The following CTNNA2 variants were observed in gnomAD, a reference collection of about 807,000 sequenced individuals.
CTNNA2 encodes catenin alpha-2.
Under a neutral mutation model 101.0 loss-of-function variants are expected in CTNNA2, and 42 were observed. The ratio of observed to expected loss-of-function variants is 0.42; its 90% CI spans 0.32 to 0.54. The LOEUF is 0.54. Among genes scored for constraint, CTNNA2 ranks in the 20% least tolerant of loss-of-function variants. CTNNA2 has a pLI of 0.14. For missense variants in CTNNA2, 871 were observed against 1,223.1 expected (o/e 0.71, Z 4.29); for synonymous variants, 450 against 456.4 (o/e 0.99, Z 0.18).
intron 3 of CTNNA2, among the ~76,000 whole-genome samples, chr2:79,785,512 C>T (rs1674770929): frequency 6.6e-6 from 1 of 152,180 alleles, no homozygotes; most frequent in Non-Finnish European, 1.5e-5. Context: ...TATGAAATAG[C>T]ACCTCTGCTG....
intron 9 of CTNNA2, among the ~76,000 whole-genome samples, chr2:80,473,435 A>C (rs1685472100): frequency 6.6e-6 from 1 of 152,252 alleles, no homozygotes; most frequent in African/African-American, 2.4e-5. Flanking sequence ...TGGGTGATTT[A>C]GAGTTTCTAC....
At chr2:80,563,202 G>A (rs1408625790) in intron 12 of CTNNA2, among the ~76,000 whole-genome samples, 1 of 152,160 alleles carries the variant, frequency 6.6e-6, no homozygotes, top group Non-Finnish European at 1.5e-5. Context: ...CCTACATATT[G>A]TGTCTAGCAG....
At chr2:79,401,844 G>A (rs1396998283) in intron 4 of CTNNA2, among the ~76,000 whole-genome samples, 1 of 151,238 alleles carries the variant, frequency 6.6e-6, no homozygotes, top group African/African-American at 2.4e-5. Context: ...CTTTTAAAAA[G>A]TAAATTAAAA....
intron 17 of CTNNA2, among the ~76,000 whole-genome samples, chr2:80,615,159 A>G (rs576139501): frequency 1.5e-4 from 22 of 151,572 alleles, no homozygotes; most frequent in Admixed American, 2.6e-4. Flanking sequence ...ACATCTTTCC[A>G]TTACCTTAGC....
At chr2:79,463,764 C>T (rs775072598) in intron 4 of CTNNA2, among the ~76,000 whole-genome samples, 6 of 152,118 alleles carry the variant, frequency 3.9e-5, no homozygotes, top group Non-Finnish European at 8.8e-5. Context: ...GGTGCCATTA[C>T]CAGAATCATC....
intron 2 of CTNNA2, among the ~76,000 whole-genome samples, chr2:79,287,291 C>T (rs1398108716): frequency 6.6e-6 from 1 of 152,224 alleles, no homozygotes; most frequent in Non-Finnish European, 1.5e-5. Context: ...TGTTCCGTTG[C>T]TGGTGAGGAA....
chr2:80,513,937 C>A (rs2149557880), intron 9 of CTNNA2, among the ~76,000 whole-genome samples: 1 of 152,338 alleles, frequency 6.6e-6, no homozygotes, highest in South Asian at 2.1e-4. Flanking sequence ...TTCTACCATA[C>A]AAAGTCTTTT....
In CTNNA2 at chr2:80,620,258, T is replaced by G. The variant is rs193141214; in HGVS notation, c.2574+1030T>G. Among the ~76,000 whole-genome samples, 777 of 151,840 alleles carry G rather than the reference T, an allele frequency of 5.1e-3. 7 individuals are homozygous for G. The highest frequency in any genetic ancestry group is 6.6e-3 in the Non-Finnish European group (446 of 67,836). On this transcript the variant is annotated intron_variant, in intron 18 of 18. Coordinates refer to ENST00000402739, the MANE Select transcript of CTNNA2 (RefSeq NM_001282597.3). ...TATAAAGAGGGTATCATCCCTTTTT[T>G]TTTTCCTAAATATACATCCCTGGTT...
chr2:79,225,040 G>T (rs1558579174), intron 2 of CTNNA2, among the ~76,000 whole-genome samples: 1 of 151,908 alleles, frequency 6.6e-6, no homozygotes, highest in Non-Finnish European at 1.5e-5. Flanking sequence ...GAATAACCAA[G>T]CTGTTTCTGG....
intron 9 of CTNNA2, among the ~76,000 whole-genome samples, chr2:80,532,250 C>T (rs1558556359): frequency 6.6e-6 from 1 of 152,124 alleles, no homozygotes; most frequent in Non-Finnish European, 1.5e-5. Context: ...TACCAGTGGT[C>T]TGAAAATATT....
intron 1 of CTNNA2, among the ~76,000 whole-genome samples, chr2:79,587,002 T>C (rs1443400786): frequency 6.6e-6 from 1 of 152,224 alleles, no homozygotes; most frequent in Non-Finnish European, 1.5e-5. Context: ...CATTGTTTCA[T>C]TCCATTTTAC....
At chr2:79,691,585 G>C (rs541068502) in intron 2 of CTNNA2, among the ~76,000 whole-genome samples, 1 of 151,404 alleles carries the variant, frequency 6.6e-6, no homozygotes, top group African/African-American at 2.4e-5. Flanking sequence ...TAAGCAAAAA[G>C]CACAAAGCTG....
chr2:79,542,019 C>G (rs1052128232), intron 1 of CTNNA2, among the ~76,000 whole-genome samples: 2 of 152,070 alleles, frequency 1.3e-5, no homozygotes, highest in Non-Finnish European at 1.5e-5. Context: ...CAACTGAGAG[C>G]TTTCTGGCCT....
At chr2:80,578,989 T>A (rs910660715) in intron 13 of CTNNA2, 1 of 152,118 alleles carries the variant, frequency 6.6e-6, no homozygotes, top group Non-Finnish European at 1.5e-5. Flanking sequence ...TCCTAAAGCA[T>A]TTTCCTATAC....
At chr2:80,152,303 C>A (rs1703752902) in intron 7 of CTNNA2, among the ~76,000 whole-genome samples, 1 of 151,110 alleles carries the variant, frequency 6.6e-6, no homozygotes, top group Non-Finnish European at 1.5e-5. Context: ...GGAGAAGAAC[C>A]AATGCCACTT....
chr2:80,492,440 A>G (rs894259761), intron 9 of CTNNA2, among the ~76,000 whole-genome samples: 4 of 152,184 alleles, frequency 2.6e-5, no homozygotes, highest in African/African-American at 9.6e-5. Flanking sequence ...AGTCCATAGT[A>G]TTTTGAAATT....
chr2:79,554,356 A>G (rs1216268048), intron 1 of CTNNA2, among the ~76,000 whole-genome samples: 5 of 152,158 alleles, frequency 3.3e-5, no homozygotes, highest in Admixed American at 2.0e-4. Context: ...ATTGATCACA[A>G]TATCTTCCTT....
At chr2:79,922,675 T>C (rs1219109287) in intron 7 of CTNNA2, among the ~76,000 whole-genome samples, 2 of 151,314 alleles carry the variant, frequency 1.3e-5, no homozygotes, top group African/African-American at 4.9e-5. Context: ...TTCAAGATTC[T>C]GGAAGGATCA....
intron 3 of CTNNA2, among the ~76,000 whole-genome samples, chr2:79,815,927 T>G (rs1266400598): frequency 6.6e-6 from 1 of 152,188 alleles, no homozygotes; most frequent in African/African-American, 2.4e-5. Flanking sequence ...TGTCATCTAT[T>G]TCTTTCAGCA....
Sources: allele counts gnomAD v4.1 joint callset (sites outside exome capture counted in the v4.1 genomes callset), GRCh38; gene constraint gnomAD v4.1.1; transcripts MANE v1.5; gene names NCBI Gene and HGNC (gene_info 2026-07-23, HGNC 2026-07-21).